Variants in CLRN1 observed in about 807,000 individuals in gnomAD.
CLRN1 encodes the protein clarin-1.
Under a neutral mutation model 18.7 loss-of-function variants are expected in CLRN1, and 15 were observed. The observed-to-expected ratio is 0.80, with a 90% confidence interval of 0.54 to 1.23. The LOEUF is 1.23. Among genes scored for constraint, CLRN1 ranks in the 50% most tolerant of loss-of-function variants. The pLI, the probability that CLRN1 is intolerant of heterozygous loss-of-function variation, is 0.00. For synonymous variants in CLRN1, 104 were observed against 102.9 expected (o/e 1.01, Z -0.07); for missense variants, 311 against 277.5 (o/e 1.12, Z -0.86).
At chr3:150,952,583 G>A (rs1044694824) in intron 1 of CLRN1, among the ~76,000 whole-genome samples, 1 of 152,146 alleles carries the variant, frequency 6.6e-6, no homozygotes, top group African/African-American at 2.4e-5. Context: ...GCCTTCTGGA[G>A]CCTCCCTTAC....
chr3:150,935,988 G>A (rs1258935526), intron 2 of CLRN1, among the ~76,000 whole-genome samples: 1 of 151,760 alleles, frequency 6.6e-6, no homozygotes, highest in Admixed American at 6.6e-5. Flanking sequence ...TTTTTGATGG[G>A]GTTGTTTGTT....
intron 1 of CLRN1, among the ~76,000 whole-genome samples, chr3:150,961,288 T>G (rs1452709827): frequency 6.6e-6 from 1 of 152,176 alleles, no homozygotes; most frequent in Non-Finnish European, 1.5e-5. Flanking sequence ...GGCTGCACAT[T>G]AGAGTCCCTG....
At chr3:150,937,741 G>A (rs1294873920) in intron 2 of CLRN1, among the ~76,000 whole-genome samples, 3 of 152,154 alleles carry the variant, frequency 2.0e-5, no homozygotes, top group African/African-American at 7.2e-5. Flanking sequence ...CTAAACTGGA[G>A]GTTATGAGAG....
chr3:150,950,421 AGG>A (rs1347940418), intron 1 of CLRN1, among the ~76,000 whole-genome samples: 1 of 152,216 alleles, frequency 6.6e-6, no homozygotes, highest in East Asian at 1.9e-4. Flanking sequence ...CATCTGACAA[AGG>A]TCTAATACCC....
intron 1 of CLRN1, among the ~76,000 whole-genome samples, chr3:150,966,132 C>T (rs542332371): frequency 2.6e-5 from 4 of 152,268 alleles, no homozygotes; most frequent in Admixed American, 2.6e-4. Flanking sequence ...CCTGCCTGGG[C>T]AACCCCATCT....
chr3:150,944,351 T>A (rs968087163), intron 1 of CLRN1: 1 of 186,178 alleles, frequency 5.4e-6, no homozygotes, highest in Non-Finnish European at 1.1e-5. Flanking sequence ...ACTAGAGAAT[T>A]TTAAGTAGGA....
At chr3:150,950,202 A>T (rs1714409296) in intron 1 of CLRN1, among the ~76,000 whole-genome samples, 1 of 152,232 alleles carries the variant, frequency 6.6e-6, no homozygotes, top group African/African-American at 2.4e-5. Context: ...CCAAAACTAT[A>T]AAAACCCTAG....
At chr3:150,957,643 A>T (rs1714815139) in intron 1 of CLRN1, among the ~76,000 whole-genome samples, 1 of 152,046 alleles carries the variant, frequency 6.6e-6, no homozygotes, top group Non-Finnish European at 1.5e-5. Context: ...TCTAGGACAC[A>T]TCTTTGTCTA....
At chr3:150,928,304 C>T in intron 2 of CLRN1, 103 bp from the exon 3 acceptor site, 5 of 1,387,598 alleles carry the variant, frequency 3.6e-6, no homozygotes, top group Non-Finnish European at 4.0e-6. Context: ...CCATCATCCC[C>T]ATTGACATTA....
At chr3:150,961,726 C>G (rs1374240625) in intron 1 of CLRN1, among the ~76,000 whole-genome samples, 2 of 152,186 alleles carry the variant, frequency 1.3e-5, no homozygotes, top group African/African-American at 4.8e-5. Context: ...GGGAAGATTT[C>G]TTTCTTCTTA....
intron 2 of CLRN1, among the ~76,000 whole-genome samples, chr3:150,937,999 A>C (rs1411360439): frequency 6.6e-6 from 1 of 152,050 alleles, no homozygotes; most frequent in Non-Finnish European, 1.5e-5. Context: ...TCCCCTTTCT[A>C]CATGCCCCAG....
intron 1 of CLRN1, among the ~76,000 whole-genome samples, chr3:150,950,514 C>G (rs530061961): frequency 6.6e-6 from 1 of 152,232 alleles, no homozygotes; most frequent in African/African-American, 2.4e-5. Context: ...AGACACTTTT[C>G]AAAAGAAGAT....
intron 2 of CLRN1, among the ~76,000 whole-genome samples, chr3:150,940,093 A>G (rs765264087): frequency 2.0e-5 from 3 of 152,236 alleles, no homozygotes; most frequent in Non-Finnish European, 4.4e-5. Context: ...CAGCAAATTC[A>G]TATTGAATTG....
chr3:150,933,981 C>T (rs1713311521), intron 2 of CLRN1, among the ~76,000 whole-genome samples: 2 of 152,196 alleles, frequency 1.3e-5, no homozygotes, highest in Non-Finnish European at 1.5e-5. Flanking sequence ...ACTGGGTTTT[C>T]CTGCCACAAA....
At chr3:150,967,584 T>C (rs1000076226) in intron 1 of CLRN1, among the ~76,000 whole-genome samples, 2 of 152,116 alleles carry the variant, frequency 1.3e-5, no homozygotes, top group Non-Finnish European at 2.9e-5. Context: ...AGGCTTCCCC[T>C]TTACACACCC....
intron 1 of CLRN1, among the ~76,000 whole-genome samples, chr3:150,959,353 G>A (rs1714912947): frequency 6.6e-6 from 1 of 152,152 alleles, no homozygotes; most frequent in African/African-American, 2.4e-5. Flanking sequence ...TTACAGCCGG[G>A]CTTGGTGGCT....
rs547537020 is a variant in CLRN1, at chr3:150,963,943, C to G, written c.253+8513G>C. Among the ~76,000 whole-genome samples, 29 of 152,270 alleles carry G rather than the reference C, an allele frequency of 1.9e-4. 1 individual carries two copies. The East Asian group carries it at 2.7e-3, about 14-fold the overall frequency. On this transcript the variant is annotated intron_variant, in intron 1 of 2. Transcript: ENST00000327047. ...ATGGATTAAAGATTTAAACATAAGA[C>G]CTAAAACCATAAAAATCCTAGAAGA...
At position 150,969,292 on chromosome 3, in the gene CLRN1, A is replaced by AATATATATATATATATAT. The variant is rs766087778; in HGVS notation, c.253+3146_253+3163dup. On this transcript the variant is annotated intron_variant, in intron 1 of 2. Transcript: ENST00000327047. ...AGTACATATGTGGCTTGTGGCTTGT[A>AATATATATATATATATAT]ATATATATATATATATATATATTTT... 1.0e-3 allele frequency among the ~76,000 whole-genome samples: 62 copies of AATATATATATATATATAT among 61,388 alleles called. 1 individual carries two copies. Among genetic ancestry groups the AATATATATATATATATAT allele is most frequent in the African/African-American group, 2.4e-3 (31 of 13,054 alleles). The allele number at this position is 61,388 out of a possible 152,430, so 40.3% of individuals were successfully genotyped here. A position where few individuals can be genotyped will look rare whatever the true frequency, so the allele number is the denominator to read the frequency against.
intron 1 of CLRN1, among the ~76,000 whole-genome samples, chr3:150,948,741 A>C (rs1314176437): frequency 6.6e-6 from 1 of 152,144 alleles, no homozygotes; most frequent in East Asian, 1.9e-4. Context: ...AAAAAATCCC[A>C]GGACCTGATG....
Sources: gnomAD v4.1 joint callset for allele counts (sites outside exome capture counted in the v4.1 genomes callset) on GRCh38, gnomAD v4.1.1 for gene constraint, MANE v1.5 for transcripts, NCBI Gene and HGNC (gene_info 2026-07-23, HGNC 2026-07-21) for gene names.